Variants in SHTN1 observed in about 807,000 individuals in gnomAD.
The protein encoded by SHTN1 is shootin-1.
In SHTN1, 42 loss-of-function variants were observed where a neutral mutation model predicts 83.1. The ratio of observed to expected loss-of-function variants is 0.51; its 90% CI spans 0.39 to 0.65. The LOEUF (loss-of-function observed/expected upper bound fraction) is 0.65, where lower values mean the gene tolerates loss of function less well. SHTN1 is among the 30% of genes least tolerant of loss of function. The probability of loss-of-function intolerance (pLI) is 0.00; values close to 1 mark genes in which losing one functional copy is unlikely to be tolerated. For missense variants in SHTN1, 622 were observed against 737.8 expected, an observed-to-expected ratio of 0.84 and a Z score of 1.82; for synonymous variants, 224 against 247.7, an observed-to-expected ratio of 0.90 and a Z score of 0.90.
intron 2 of SHTN1, among the ~76,000 whole-genome samples, chr10:117,048,053 A>G (rs1852692160): frequency 6.6e-6 from 1 of 152,200 alleles, no homozygotes; most frequent in Admixed American, 6.5e-5. Context: ...GTGGAGGTGC[A>G]TTTTGCAGCT....
chr10:116,960,916 G>A (rs566384315), intron 3 of SHTN1, among the ~76,000 whole-genome samples: 5 of 152,178 alleles, frequency 3.3e-5, no homozygotes, highest in Non-Finnish European at 5.9e-5. Context: ...ACCAATGCTC[G>A]AAAAATTGTA....
chr10:116,899,115 C>T (rs750509293), intron 16 of SHTN1, among the ~76,000 whole-genome samples: 11 of 152,084 alleles, frequency 7.2e-5, no homozygotes, highest in African/African-American at 2.7e-4. Context: ...GGAATTGTTC[C>T]ATGTGTGTAA....
At chr10:116,956,309 G>A (rs987058683) in intron 4 of SHTN1, among the ~76,000 whole-genome samples, 31 of 152,074 alleles carry the variant, frequency 2.0e-4, no homozygotes, top group African/African-American at 7.0e-4. Flanking sequence ...GTAAAGAAAC[G>A]CATTGCTTTA....
chr10:116,911,178 G>A (rs1848176220), intron 14 of SHTN1, among the ~76,000 whole-genome samples: 1 of 152,218 alleles, frequency 6.6e-6, no homozygotes, highest in Admixed American at 6.5e-5. Context: ...GGAGAGTGCA[G>A]TAGCCGCTGA....
chr10:117,061,277 G>A (rs1008604328), intron 1 of SHTN1, among the ~76,000 whole-genome samples: 2 of 151,168 alleles, frequency 1.3e-5, no homozygotes, highest in Admixed American at 6.6e-5. Flanking sequence ...CTCCCGAGTA[G>A]CTGGGATTAC....
At chr10:116,994,503 G>A (rs1381107843) in intron 1 of SHTN1, among the ~76,000 whole-genome samples, 1 of 152,046 alleles carries the variant, frequency 6.6e-6, no homozygotes, top group Non-Finnish European at 1.5e-5. Flanking sequence ...GTCAACTGTA[G>A]AGACAGAGAG....
chr10:116,894,421 G>C (rs1051987421), intron 16 of SHTN1, among the ~76,000 whole-genome samples: 7 of 152,172 alleles, frequency 4.6e-5, no homozygotes. Flanking sequence ...CAAACTGCCT[G>C]TCTGGCAGTT....
intron 12 of SHTN1, among the ~76,000 whole-genome samples, chr10:116,919,178 A>T (rs1848470471): frequency 6.6e-6 from 1 of 152,206 alleles, no homozygotes; most frequent in Non-Finnish European, 1.5e-5. Context: ...CCAATGTTTG[A>T]TGCTTTACAT....
chr10:116,899,354 T>C (rs1241813584), intron 16 of SHTN1, among the ~76,000 whole-genome samples: 1 of 152,072 alleles, frequency 6.6e-6, no homozygotes, highest in Non-Finnish European at 1.5e-5. Context: ...ATAGAGAAGA[T>C]AACATTTGAG....
At chr10:116,907,793 C>T in intron 14 of SHTN1, 1 of 471,830 alleles carries the variant, frequency 2.1e-6, no homozygotes, top group Admixed American at 2.3e-5. Context: ...GTATAACTTG[C>T]CAGACTTCAT....
chr10:117,081,071 G>C (rs1233864923), intron 1 of SHTN1, among the ~76,000 whole-genome samples: 1 of 151,758 alleles, frequency 6.6e-6, no homozygotes, highest in Non-Finnish European at 1.5e-5. Context: ...CCAACACTAT[G>C]TTGAATAGGA....
chr10:117,029,360 G>A (rs1852373664), intron 2 of SHTN1, among the ~76,000 whole-genome samples: 2 of 152,136 alleles, frequency 1.3e-5, no homozygotes, highest in Admixed American at 1.3e-4. Context: ...GGAGACTTTG[G>A]GCTTTTGACT....
At chr10:116,952,232 T>A (rs1041849004) in intron 5 of SHTN1, among the ~76,000 whole-genome samples, 1 of 152,190 alleles carries the variant, frequency 6.6e-6, no homozygotes, top group Non-Finnish European at 1.5e-5. Context: ...CCTCACTACA[T>A]TAAATGTACC....
At chr10:117,078,683 G>A (rs1853201762) in intron 1 of SHTN1, among the ~76,000 whole-genome samples, 1 of 152,152 alleles carries the variant, frequency 6.6e-6, no homozygotes. Context: ...AGTGCTTTAG[G>A]CAGGAGGAAA....
intron 3 of SHTN1, among the ~76,000 whole-genome samples, chr10:116,965,473 C>T (rs149913113): frequency 1.3e-5 from 2 of 152,334 alleles, no homozygotes; most frequent in East Asian, 3.9e-4. Flanking sequence ...GCAGAGATCA[C>T]GCCACTGCAC....
At chr10:116,902,977 C>T (rs1163751232) in intron 15 of SHTN1, among the ~76,000 whole-genome samples, 1 of 152,060 alleles carries the variant, frequency 6.6e-6, no homozygotes, top group Non-Finnish European at 1.5e-5. Context: ...TTTAATGTGC[C>T]TGATATACTC....
chr10:117,121,831 G>A (rs1853932732), intron 1 of SHTN1, among the ~76,000 whole-genome samples: 1 of 152,004 alleles, frequency 6.6e-6, no homozygotes, highest in Non-Finnish European at 1.5e-5. Flanking sequence ...AGGAGATCGA[G>A]ACCATCCTGG....
chr10:116,978,145 G>A (rs1026046288), intron 2 of SHTN1, among the ~76,000 whole-genome samples: 3 of 151,992 alleles, frequency 2.0e-5, no homozygotes, highest in Non-Finnish European at 4.4e-5. Context: ...CCTTATAATC[G>A]GCTTCAAACT....
intron 1 of SHTN1, among the ~76,000 whole-genome samples, chr10:117,062,038 G>T (rs1326876084): frequency 6.6e-6 from 1 of 152,148 alleles, no homozygotes; most frequent in African/African-American, 2.4e-5. Context: ...GGGTCAGATA[G>T]GTTCTGCTAA....
Sources: gnomAD v4.1 joint callset for allele counts (sites outside exome capture counted in the v4.1 genomes callset) on GRCh38, gnomAD v4.1.1 for gene constraint, MANE v1.5 for transcripts, NCBI Gene and HGNC (gene_info 2026-07-23, HGNC 2026-07-21) for gene names.